Variants in CCDC191 observed in about 807,000 individuals in gnomAD.
CCDC191 encodes the protein coiled-coil domain-containing protein 191.
Under a neutral mutation model 114.0 loss-of-function variants are expected in CCDC191, and 99 were observed. The ratio of observed to expected loss-of-function variants is 0.87; its 90% confidence interval spans 0.74 to 1.03. The LOEUF (loss-of-function observed/expected upper bound fraction) is 1.03. Ranked by LOEUF, CCDC191 falls within the 50% of genes least tolerant of loss-of-function variation. The probability of loss-of-function intolerance (pLI) is 0.00; values close to 1 mark genes in which losing one functional copy is unlikely to be tolerated. For synonymous variants in CCDC191, 351 were observed against 376.0 expected (o/e 0.93, Z 0.77); for missense variants, 973 against 1,087.0 (o/e 0.90, Z 1.47).
chr3:114,022,445 T>C (rs1404069503), intron 7 of CCDC191, among the ~76,000 whole-genome samples: 4 of 152,166 alleles, frequency 2.6e-5, no homozygotes, highest in Non-Finnish European at 5.9e-5. Flanking sequence ...TCAGTGATAA[T>C]TGCATCAAAA....
intron 13 of CCDC191, among the ~76,000 whole-genome samples, chr3:113,996,185 A>G (rs550232316): frequency 6.6e-6 from 1 of 152,114 alleles, no homozygotes; most frequent in East Asian, 1.9e-4. Flanking sequence ...GTCTTTGCCC[A>G]TGCCTATGTC....
chr3:114,007,772 C>T (rs1440492533), intron 9 of CCDC191, among the ~76,000 whole-genome samples: 1 of 151,952 alleles, frequency 6.6e-6, no homozygotes, highest in Non-Finnish European at 1.5e-5. Flanking sequence ...ATTCAAGGTA[C>T]AGTTTGTGTG....
intron 2 of CCDC191, among the ~76,000 whole-genome samples, chr3:114,051,097 T>C (rs1005558851): frequency 2.0e-5 from 3 of 152,162 alleles, no homozygotes; most frequent in African/African-American, 7.2e-5. Context: ...CAGCAACCTA[T>C]TGACATCGTG....
chr3:113,973,655 C>T (rs543403673), intron 16 of CCDC191, among the ~76,000 whole-genome samples: 17 of 150,924 alleles, frequency 1.1e-4, no homozygotes, highest in Non-Finnish European at 2.5e-4. Context: ...TGTCTCCTGG[C>T]CTATACCGTT....
intron 7 of CCDC191, among the ~76,000 whole-genome samples, chr3:114,023,529 C>T (rs563958912): frequency 3.9e-5 from 6 of 152,264 alleles, no homozygotes; most frequent in Non-Finnish European, 7.4e-5. Flanking sequence ...TGGAACAGAA[C>T]AGAGCCCTCA....
At chr3:114,040,558 AAAAAAT>A (rs1228687610) in intron 4 of CCDC191, among the ~76,000 whole-genome samples, 1 of 152,220 alleles carries the variant, frequency 6.6e-6, no homozygotes, top group East Asian at 1.9e-4. Context: ...AAATCAAAGA[AAAAAAT>A]AAAAATAAAA....
intron 13 of CCDC191, among the ~76,000 whole-genome samples, chr3:113,985,025 A>G (rs898533558): frequency 6.6e-6 from 1 of 152,158 alleles, no homozygotes. Context: ...CATATGAGTA[A>G]GACAATTAAA....
At chr3:113,982,720 C>G (rs969690481) in intron 13 of CCDC191, among the ~76,000 whole-genome samples, 20 of 151,988 alleles carry the variant, frequency 1.3e-4, no homozygotes, top group African/African-American at 4.6e-4. Flanking sequence ...CCTTTGTGCT[C>G]TAGAATATAT....
At chr3:113,993,267 A>G (rs1166442532) in intron 13 of CCDC191, among the ~76,000 whole-genome samples, 1 of 152,204 alleles carries the variant, frequency 6.6e-6, no homozygotes, top group African/African-American at 2.4e-5. Flanking sequence ...CCCAGACTCT[A>G]TGATTCATAT....
At chr3:114,036,385 T>C (rs1189330430) in intron 5 of CCDC191, among the ~76,000 whole-genome samples, 1 of 152,064 alleles carries the variant, frequency 6.6e-6, no homozygotes, top group Non-Finnish European at 1.5e-5. Context: ...CAATTATTCT[T>C]TTTTTTCTTT....
chr3:114,004,764 G>C lies in CCDC191; in HGVS notation c.1869-18C>G. Reference sequence around the variant, plus strand: ...CAGGTGAACTAGGGAAAAAATAAAGGAAAGGAATTTAGACTACTAACCAGT... The same window carrying C: ...CAGGTGAACTAGGGAAAAAATAAAGCAAAGGAATTTAGACTACTAACCAGT... On this transcript the variant is annotated intron_variant, in intron 10 of 16. Transcript: ENST00000295878. The C allele has an allele frequency of 1.2e-6, 2 of 1,604,914 alleles. No homozygotes were observed. The highest frequency in any genetic ancestry group is 1.3e-5 in the African/African-American group (1 of 74,462).
rs1003540296 is a variant in CCDC191, at chr3:113,981,422, C to T, written c.2164-629G>A. On this transcript the variant is annotated intron_variant, in intron 13 of 16. Coordinates refer to ENST00000295878, the MANE Select transcript of CCDC191 (RefSeq NM_020817.2). ...AAGATGACAAAAACTTAATGATCGA[C>T]CCTATAGATATCATTATTTCCTTTT... is the stretch of plus-strand genomic sequence containing the variant. Among the ~76,000 whole-genome samples, 3 of 152,180 alleles carry T rather than the reference C, an allele frequency of 2.0e-5. No homozygotes were observed. In the East Asian group the frequency reaches 5.8e-4, roughly 29 times the overall value.
At position 114,005,657 on chromosome 3, in the gene CCDC191, C is replaced by T. The variant is rs1340658537; in HGVS notation, c.1719G>A (p.Gln573=). The T allele has an allele frequency of 6.2e-7, 1 of 1,614,156 alleles. No homozygotes were observed. The highest frequency in any genetic ancestry group is 8.5e-7 in the Non-Finnish European group (1 of 1,180,004). ...IEKQKKKLQE[Q]QKTILELKKN... ...TCTTCAGCTCGAGAATTGTTTTCTG[C>T]TGTTCCTGAAGTTTCTTCTTTTGCT... The change falls in exon 10 of 17, where the codon CAG becomes CAA. Residue 573 remains glutamine (Q), a synonymous_variant. Coordinates refer to ENST00000295878, the MANE Select transcript of CCDC191 (RefSeq NM_020817.2).
chr3:113,969,072 GGTT>G (rs1480572687), intron 16 of CCDC191, among the ~76,000 whole-genome samples: 2 of 152,116 alleles, frequency 1.3e-5, no homozygotes, highest in African/African-American at 4.8e-5. Context: ...GGAGGTGCCA[GGTT>G]CTTTTTAACA....
intron 11 of CCDC191, chr3:114,003,240 T>C (rs1229296519): frequency 4.1e-6 from 4 of 985,284 alleles, no homozygotes; most frequent in East Asian, 1.1e-4. Flanking sequence ...GGGGCTTTCA[T>C]AGGAAGAGGG....
intron 16 of CCDC191, among the ~76,000 whole-genome samples, chr3:113,975,406 T>C (rs1228809620): frequency 1.3e-5 from 2 of 152,222 alleles, no homozygotes; most frequent in Non-Finnish European, 2.9e-5. Flanking sequence ...ACTCTGAATA[T>C]CAATTTTTTA....
intron 9 of CCDC191, among the ~76,000 whole-genome samples, chr3:114,009,736 T>C (rs2076035739): frequency 1.3e-5 from 2 of 152,240 alleles, no homozygotes; most frequent in South Asian, 4.1e-4. Flanking sequence ...GCATTCCATT[T>C]TTAGGTATTA....
chr3:114,056,053 C>A (rs1394496379), intron 1 of CCDC191, among the ~76,000 whole-genome samples: 1 of 151,162 alleles, frequency 6.6e-6, no homozygotes, highest in African/African-American at 2.4e-5. Flanking sequence ...AAGAAATGTG[C>A]GAGAAGTTTC....
intron 7 of CCDC191, among the ~76,000 whole-genome samples, chr3:114,029,053 C>T (rs1018508099): frequency 6.6e-6 from 1 of 151,984 alleles, no homozygotes; most frequent in Non-Finnish European, 1.5e-5. Flanking sequence ...AGTGAACACA[C>T]TTAGTGCCTA....
Sources: gnomAD v4.1 joint callset for allele counts (sites outside exome capture counted in the v4.1 genomes callset) on GRCh38, gnomAD v4.1.1 for gene constraint, MANE v1.5 for transcripts, NCBI Gene and HGNC (gene_info 2026-07-23, HGNC 2026-07-21) for gene names.